TXLNA: variants seen among roughly 807,000 people sequenced by gnomAD.
TXLNA encodes the protein alpha-taxilin.
A neutral mutation model predicts 61.4 loss-of-function variants in TXLNA; 9 were observed. The ratio of observed to expected loss-of-function variants is 0.15; its 90% CI spans 0.09 to 0.26. TXLNA has a LOEUF of 0.26. Among genes scored for constraint, TXLNA ranks in the 10% least tolerant of loss-of-function variants. TXLNA has a pLI of 1.00. For synonymous variants in TXLNA, 257 were observed against 267.7 expected (o/e 0.96, Z 0.39); for missense variants, 565 against 688.8 (o/e 0.82, Z 2.01).
intron 6 of TXLNA, among the ~76,000 whole-genome samples, chr1:32,190,649 G>A (rs1454642771): frequency 1.3e-5 from 2 of 152,184 alleles, no homozygotes; most frequent in African/African-American, 2.4e-5. Context: ...TTACAATGAT[G>A]CAGGTCAAGT....
At chr1:32,184,408 C>A in intron 3 of TXLNA, 117 bp from the exon 4 acceptor site, 1 of 712,672 alleles carries the variant, frequency 1.4e-6, no homozygotes, top group Non-Finnish European at 2.5e-6. Flanking sequence ...AGCTAATCAA[C>A]AAGCAAAATA....
chr1:32,194,995 C>G lies in TXLNA; in HGVS notation c.1441C>G (p.Leu481Val), dbSNP rs1355221894. Reference sequence around the variant, plus strand: ...GGCACTGCAGACAGAGCGCAATGACCTGAACAAGAGGGTACAGGACCTGAG... The same window carrying G: ...GGCACTGCAGACAGAGCGCAATGACGTGAACAAGAGGGTACAGGACCTGAG... ...CRALQTERND[L>V]NKRVQDLSAG... Residue 481 changes from leucine (L) to valine (V), a missense_variant, in exon 11 of 11, where the codon CTG (leucine) becomes GTG (valine). Transcript: ENST00000373610. The G allele has an allele frequency of 6.2e-7, 1 of 1,614,246 alleles. No individual in the cohort carries two copies. Among genetic ancestry groups the G allele is most frequent in the Non-Finnish European group, 8.5e-7 (1 of 1,180,032 alleles).
chr1:32,185,558 A>ATTTT (rs755164801), intron 4 of TXLNA, among the ~76,000 whole-genome samples: 2 of 82,792 alleles, frequency 2.4e-5, no homozygotes, highest in African/African-American at 4.7e-5. Context: ...ATGCTAGGCT[A>ATTTT]TTTTTTTTTT....
intron 3 of TXLNA, among the ~76,000 whole-genome samples, chr1:32,183,696 C>T (rs1035370930): frequency 2.0e-5 from 3 of 150,998 alleles, no homozygotes; most frequent in African/African-American, 4.9e-5. Flanking sequence ...TCCCAAAGTG[C>T]TGGGATTACA....
rs1642658210 is a variant in TXLNA at position 32,181,445 on chromosome 1, C to G, written c.373C>G (p.Pro125Ala). 6.2e-7 allele frequency: 1 copy of G among 1,614,132 alleles called. No homozygotes were observed. Among genetic ancestry groups the G allele is most frequent in the African/African-American group, 1.3e-5 (1 of 75,062 alleles). The change falls in exon 3 of 11, where the codon CCA becomes GCA. Residue 125 changes from proline to alanine, a missense_variant. By Grantham distance (27) the Pro-to-Ala change is conservative. Around this residue, in one of 2 missense-constraint regions of TXLNA, gnomAD observed 192 missense variants for 184.8 expected, o/e 1.04. Transcript: ENST00000373610. ...TYVARNGEPEPTPVVNGEKEP... is the reference protein window; with the variant it reads ...TYVARNGEPEATPVVNGEKEP... ...TGTGGCAAGGAATGGGGAGCCTGAA[C>G]CAACTCCAGTAGTCAATGGAGAGAA...
chr1:32,193,911 T>C (rs1369376929), intron 9 of TXLNA, among the ~76,000 whole-genome samples, 154 bp from the exon 10 acceptor site: 1 of 152,126 alleles, frequency 6.6e-6, no homozygotes, highest in East Asian at 1.9e-4. Context: ...GGTGGTGAGG[T>C]GGCACAGAGG....
In TXLNA at chr1:32,195,234, G is replaced by C. The variant is rs1362374894; in HGVS notation, c.*39G>C. 1.3e-6 allele frequency: 2 copies of C among 1,524,796 alleles called. No individual in the cohort carries two copies. The highest frequency in any genetic ancestry group is 1.8e-6 in the Non-Finnish European group (2 of 1,140,064). The allele number at this position is 1,524,796 out of a possible 1,614,324, so 94.5% of individuals were successfully genotyped here. The stretch of plus-strand genomic sequence containing the variant: ...GGGTCATGCTGGGAAGGGAGCGGCA[G>C]CCCAGCCAGGCCTGGCCCATAAAAG... On this transcript the variant is annotated 3_prime_UTR_variant, in exon 11 of 11. Coordinates refer to ENST00000373610, the MANE Select transcript of TXLNA (RefSeq NM_175852.4).
Position 32,192,805 on chromosome 1 carries a change from G to A in TXLNA, c.1158+74G>A. On this transcript the variant is annotated intron_variant, in intron 8 of 10. Coordinates refer to ENST00000373610, the MANE Select transcript of TXLNA (RefSeq NM_175852.4). The surrounding 1 kb of genome is among the most constrained non-coding windows in gnomAD (Gnocchi z 4.2). ...CCCCATCCTGGGGGTAGTGAAATGG[G>A]ACCCTCATTCTAGGACTGGCTGTGT... 6.7e-7 allele frequency: 1 copy of A among 1,494,498 alleles called. No homozygotes were observed. The highest frequency in any genetic ancestry group is 1.1e-5 in the South Asian group (1 of 88,084). The allele number at this position is 1,494,498 out of a possible 1,614,324, so 92.6% of individuals were successfully genotyped here.
intron 6 of TXLNA, among the ~76,000 whole-genome samples, chr1:32,191,454 G>A (rs1642905049): frequency 6.6e-6 from 1 of 152,158 alleles, no homozygotes; most frequent in African/African-American, 2.4e-5. Flanking sequence ...GGTTTGAGGG[G>A]AGTTGGTTTG....
chr1:32,195,007 G>T lies in TXLNA; in HGVS notation c.1453G>T (p.Val485Leu), dbSNP rs2124167725. The T allele has an allele frequency of 6.2e-7, 1 of 1,614,220 alleles. No individual in the cohort carries two copies. The highest frequency in any genetic ancestry group is 1.6e-4 in the Middle Eastern group (1 of 6,062). The change falls in exon 11 of 11, where the codon GTA becomes TTA. Residue 485 changes from valine (V) to leucine (L), a missense_variant. By Grantham distance (32) the Val-to-Leu change is conservative (BLOSUM62 1). This residue lies in a region of TXLNA where 373 missense variants were observed against 504.0 expected (regional missense o/e 0.74). Coordinates refer to ENST00000373610, the MANE Select transcript of TXLNA (RefSeq NM_175852.4). ...AGAGCGCAATGACCTGAACAAGAGG[G>T]TACAGGACCTGAGTGCTGGTGGCCA... is the stretch of plus-strand genomic sequence containing the variant. Reference protein sequence around the residue: ...QTERNDLNKRVQDLSAGGQGS... With the variant: ...QTERNDLNKRLQDLSAGGQGS...
In TXLNA at chr1:32,192,444, C is replaced by T. The variant is rs1642927565; in HGVS notation, c.1083+14C>T. ...GAGAAGGATTTTGTGAGGCTCAGGC[C>T]CCAGGGTTGGGGTGGGGGTGGGAGG... On this transcript the variant is annotated intron_variant, in intron 7 of 10. Coordinates refer to ENST00000373610, the MANE Select transcript of TXLNA (RefSeq NM_175852.4). This position sits in a 1 kb window ranked among gnomAD's most constrained non-coding sequence, Gnocchi z 4.2. The T allele has an allele frequency of 2.6e-6, 4 of 1,564,108 alleles. No individual in the cohort carries two copies. The East Asian group carries it at 9.4e-5, about 37-fold the overall frequency.
intron 5 of TXLNA, among the ~76,000 whole-genome samples, chr1:32,188,782 C>G (rs994539053): frequency 6.6e-6 from 1 of 152,202 alleles, no homozygotes; most frequent in African/African-American, 2.4e-5. Flanking sequence ...CCATAATGCA[C>G]TGGCGTTAGT....
chr1:32,184,522 C>T lies in TXLNA; in HGVS notation c.506-3C>T. ...TGCATGTCTTTGCTCCTGTGCTTTT[C>T]AGGGAAGGAGATCACGTTGCTGATG... On this transcript the variant is annotated splice_polypyrimidine_tract_variant and splice_region_variant and intron_variant, in intron 3 of 10. Coordinates refer to ENST00000373610, the MANE Select transcript of TXLNA (RefSeq NM_175852.4). The T allele has an allele frequency of 6.2e-7, 1 of 1,609,784 alleles. No homozygotes were observed. The highest frequency in any genetic ancestry group is 8.5e-7 in the Non-Finnish European group (1 of 1,176,244).
In TXLNA at chr1:32,194,932, C is replaced by T; in HGVS notation, c.1378C>T (p.Leu460=). 6.2e-7 allele frequency: 1 copy of T among 1,613,624 alleles called. No homozygotes were observed. The highest frequency in any genetic ancestry group is 1.3e-5 in the African/African-American group (1 of 75,004). ...AGTCCGGGATAAAGAACTGGAGGGC[C>T]TGCAGGTAAAAATCCAACGGCTGGA... ...KTVRDKELEG[L]QVKIQRLEKL... is the part of the protein sequence containing the mutation. The change falls in exon 11 of 11, where the codon CTG becomes TTG. Residue 460 remains leucine (L), a synonymous_variant. Coordinates refer to ENST00000373610, the MANE Select transcript of TXLNA (RefSeq NM_175852.4).
chr1:32,188,587 G>A (rs1164454860), intron 5 of TXLNA, among the ~76,000 whole-genome samples: 5 of 151,640 alleles, frequency 3.3e-5, no homozygotes, highest in African/African-American at 4.8e-5. Flanking sequence ...GCAGTGAGCC[G>A]AGATTGCATC....
At chr1:32,181,982 C>A (rs903992930) in intron 3 of TXLNA, among the ~76,000 whole-genome samples, 1 of 151,986 alleles carries the variant, frequency 6.6e-6, no homozygotes, top group Non-Finnish European at 1.5e-5. Flanking sequence ...CAAATATCTG[C>A]ATAAGCTGGG....
At chr1:32,184,888 A>C (rs1250909521) in intron 4 of TXLNA, among the ~76,000 whole-genome samples, 2 of 152,190 alleles carry the variant, frequency 1.3e-5, no homozygotes, top group African/African-American at 4.8e-5. Context: ...ACACCTTGTG[A>C]TCTTGATGCT....
rs1234132497 is a variant in TXLNA at position 32,180,446 on chromosome 1, C to A, written c.101C>A (p.Pro34His). Residue 34 changes from proline to histidine, a missense_variant, in exon 2 of 11, where the codon CCC becomes CAC. Transcript: ENST00000373610. ...EAGPEGAQER[P>H]SQAAPAVEAE... is the part of the protein sequence containing the mutation. ...GGACCCGAGGGAGCCCAGGAGCGGC[C>A]CAGCCAGGCGGCTCCTGCAGTAGAA... is the stretch of plus-strand genomic sequence containing the variant. 1 of 1,613,380 alleles carries A rather than the reference C, an allele frequency of 6.2e-7. No homozygotes were observed. Among genetic ancestry groups the A allele is most frequent in the Non-Finnish European group, 8.5e-7 (1 of 1,179,748 alleles).
intron 2 of TXLNA, 133 bp downstream of exon 2, chr1:32,180,647 G>A (rs944104074): frequency 8.4e-7 from 1 of 1,194,764 alleles, no homozygotes; most frequent in Non-Finnish European, 1.1e-6. Context: ...GCTGGGGGCC[G>A]CGGTCCCCCC....
Sources: allele counts gnomAD v4.1 joint callset (sites outside exome capture counted in the v4.1 genomes callset), GRCh38; gene constraint gnomAD v4.1.1; regional missense constraint gnomAD v4.1.1; non-coding constraint Gnocchi (gnomAD v3.1); transcripts MANE v1.5; gene names NCBI Gene and HGNC (gene_info 2026-07-23, HGNC 2026-07-21).